The following IL23R variants were observed in gnomAD, a reference collection of about 807,000 sequenced individuals.
IL23R encodes interleukin-23 receptor.
IL23R carries 34 observed loss-of-function variants against 56.9 expected under a neutral mutation model. That is an observed-to-expected ratio of 0.60 (90% CI 0.45 to 0.80). The LOEUF is 0.80. IL23R is among the 30% of genes least tolerant of loss of function. IL23R has a pLI of 0.00. For synonymous variants in IL23R, 230 were observed against 249.2 expected (o/e 0.92, Z 0.73); for missense variants, 635 against 730.0 (o/e 0.87, Z 1.50).
chr1:67,164,550 T>C (rs879788312), upstream of IL23R, among the ~76,000 whole-genome samples: 7 of 152,014 alleles, frequency 4.6e-5, no homozygotes, highest in Non-Finnish European at 8.8e-5. Flanking sequence ...GAGAATCACT[T>C]GAACCCAGGA....
intron 7 of IL23R, among the ~76,000 whole-genome samples, chr1:67,233,929 C>CTGTGTGTGTGTG: frequency 7.2e-6 from 1 of 138,766 alleles, no homozygotes; most frequent in East Asian, 2.3e-4. Context: ...GTCATAAAGG[C>CTGTGTGTGTGTG]TGTGTGTGTG....
chr1:67,240,874 G>A (rs1651801007), intron 9 of IL23R, among the ~76,000 whole-genome samples: 1 of 152,246 alleles, frequency 6.6e-6, no homozygotes, highest in Non-Finnish European at 1.5e-5. Flanking sequence ...AATTGGCAGT[G>A]AGGTACAGAA....
chr1:67,241,717 C>G (rs1651866241), intron 9 of IL23R, among the ~76,000 whole-genome samples: 1 of 152,150 alleles, frequency 6.6e-6, no homozygotes, highest in Admixed American at 6.6e-5. Flanking sequence ...ACATTTAAAA[C>G]CTTTGAGAGA....
intron 4 of IL23R, among the ~76,000 whole-genome samples, chr1:67,196,400 C>T (rs889494592): frequency 1.3e-5 from 2 of 152,054 alleles, no homozygotes; most frequent in African/African-American, 4.8e-5. Context: ...ATTAGTTAGG[C>T]CTGGTGGCAC....
chr1:67,253,649 T>C (rs1327565652), intron 9 of IL23R, among the ~76,000 whole-genome samples: 1 of 152,218 alleles, frequency 6.6e-6, no homozygotes. Flanking sequence ...ATATTCCTAA[T>C]ACCCTTGTAA....
chr1:67,192,918 A>G (rs1647857045), intron 4 of IL23R, among the ~76,000 whole-genome samples: 1 of 152,098 alleles, frequency 6.6e-6, no homozygotes, highest in African/African-American at 2.4e-5. Context: ...ACCTCAGGCC[A>G]TGTCACCCTT....
At chr1:67,219,473 A>G (rs1650100422) in intron 6 of IL23R, 101 bp from the exon 7 acceptor site, 1 of 1,107,588 alleles carries the variant, frequency 9.0e-7, no homozygotes, top group African/African-American at 1.5e-5. Flanking sequence ...AGAGTCTAGA[A>G]GACAGCTTGG....
chr1:67,141,146 C>G (rs1296926566), intron 1 of IL23R, among the ~76,000 whole-genome samples: 1 of 152,048 alleles, frequency 6.6e-6, no homozygotes, highest in Non-Finnish European at 1.5e-5. Context: ...AAGCTTTATA[C>G]ACAGAATGAT....
intron 7 of IL23R, among the ~76,000 whole-genome samples, chr1:67,233,490 T>C (rs1421531094): frequency 6.6e-6 from 1 of 152,190 alleles, no homozygotes; most frequent in East Asian, 1.9e-4. Context: ...ATGGAATACG[T>C]TATTGCTAAA....
chr1:67,182,284 C>T (rs971580397), intron 3 of IL23R, among the ~76,000 whole-genome samples: 4 of 152,174 alleles, frequency 2.6e-5, no homozygotes, highest in Admixed American at 1.3e-4. Context: ...TGGGCTCCAC[C>T]CAGTTCGAGC....
At chr1:67,225,582 A>G (rs1650560246) in intron 7 of IL23R, among the ~76,000 whole-genome samples, 1 of 150,894 alleles carries the variant, frequency 6.6e-6, no homozygotes, top group Non-Finnish European at 1.5e-5. Flanking sequence ...ACCATCTCAG[A>G]TCACTGCAAC....
intron 7 of IL23R, among the ~76,000 whole-genome samples, chr1:67,229,354 GC>G (rs1184077204): frequency 6.6e-6 from 1 of 152,194 alleles, no homozygotes; most frequent in Non-Finnish European, 1.5e-5. Context: ...GATGCAGTGG[GC>G]AAGGCATGTG....
At chr1:67,219,487 A>G in intron 6 of IL23R, 87 bp from the exon 7 acceptor site, 6 of 1,277,632 alleles carry the variant, frequency 4.7e-6, no homozygotes, top group Non-Finnish European at 6.8e-6. Context: ...AGCTTGGAAC[A>G]TAATAGGTGT....
intron 9 of IL23R, among the ~76,000 whole-genome samples, chr1:67,251,813 C>G (rs561361316): frequency 6.6e-6 from 1 of 152,306 alleles, no homozygotes; most frequent in South Asian, 2.1e-4. Flanking sequence ...TGGGTAGTCT[C>G]CATTGTGCTT....
At chr1:67,201,017 CAG>C (rs1288018236) in intron 5 of IL23R, 120 bp downstream of exon 5, 1 of 993,456 alleles carries the variant, frequency 1.0e-6, no homozygotes, top group African/African-American at 1.6e-5. Context: ...ATAAAAGAAA[CAG>C]AAATTACCCA....
chr1:67,190,406 T>C (rs1305437368), intron 4 of IL23R, among the ~76,000 whole-genome samples: 2 of 150,758 alleles, frequency 1.3e-5, no homozygotes, highest in Non-Finnish European at 2.9e-5. Context: ...CTCCTGTATT[T>C]TGCTGTTTCA....
intron 9 of IL23R, among the ~76,000 whole-genome samples, chr1:67,243,313 C>CTT (rs56982680): frequency 4.6e-5 from 7 of 151,264 alleles, no homozygotes; most frequent in Admixed American, 6.6e-5. Flanking sequence ...GCGGATTTCT[C>CTT]TTTTTTTTTC....
At chr1:67,218,929 GA>G (rs11369105) in intron 6 of IL23R, among the ~76,000 whole-genome samples, 4 of 147,770 alleles carry the variant, frequency 2.7e-5, no homozygotes, top group African/African-American at 1.0e-4. Context: ...ACCCTATCTA[GA>G]AAAAAAATAA....
chr1:67,227,143 A>C (rs1570888098), intron 7 of IL23R, among the ~76,000 whole-genome samples: 1 of 152,254 alleles, frequency 6.6e-6, no homozygotes, highest in Admixed American at 6.5e-5. Context: ...AGGGGAAAAG[A>C]CAATTTGTCA....
Sources: gnomAD v4.1 joint callset for allele counts (sites outside exome capture counted in the v4.1 genomes callset) on GRCh38, gnomAD v4.1.1 for gene constraint, MANE v1.5 for transcripts, NCBI Gene and HGNC (gene_info 2026-07-23, HGNC 2026-07-21) for gene names.